Variants in MTUS2 observed in about 807,000 individuals in gnomAD.
The protein encoded by MTUS2 is microtubule associated scaffold protein 2.
In MTUS2, 40 loss-of-function variants were observed where a neutral mutation model predicts 114.1. The ratio of observed to expected loss-of-function variants is 0.35; its 90% CI spans 0.27 to 0.46. The LOEUF is 0.46. Among genes scored for constraint, MTUS2 ranks in the 20% least tolerant of loss-of-function variants. MTUS2 has a pLI of 1.00. For missense variants in MTUS2, 1,679 were observed against 1,705.4 expected (o/e 0.98, Z 0.27); for synonymous variants, 688 against 672.0 (o/e 1.02, Z -0.37).
intron 5 of MTUS2, among the ~76,000 whole-genome samples, chr13:29,280,571 T>A (rs1372434563): frequency 6.6e-6 from 1 of 152,224 alleles, no homozygotes; most frequent in Non-Finnish European, 1.5e-5. Flanking sequence ...AATATTATCA[T>A]TTTTATGCAG....
chr13:29,013,612 G>A (rs1428427927), intron 2 of MTUS2, among the ~76,000 whole-genome samples: 3 of 152,042 alleles, frequency 2.0e-5, no homozygotes, highest in African/African-American at 4.8e-5. Context: ...CTTCACCACC[G>A]GGCAATAACA....
intron 8 of MTUS2, among the ~76,000 whole-genome samples, chr13:29,369,446 C>T (rs1305889721): frequency 2.6e-5 from 4 of 152,206 alleles, no homozygotes; most frequent in Non-Finnish European, 4.4e-5. Context: ...GTGTCAACTA[C>T]AGTCCTGCCT....
intron 6 of MTUS2, among the ~76,000 whole-genome samples, chr13:29,287,550 C>CACA (rs772167879): frequency 5.3e-5 from 8 of 152,126 alleles, no homozygotes; most frequent in Non-Finnish European, 8.8e-5. Context: ...CCTCACTGAA[C>CACA]ACATGTGTGT....
intron 2 of MTUS2, among the ~76,000 whole-genome samples, chr13:28,893,484 T>G (rs1307277650): frequency 1.3e-5 from 2 of 152,186 alleles, no homozygotes; most frequent in Non-Finnish European, 2.9e-5. Context: ...GGTCAACTGA[T>G]GTGATTTGTG....
intron 4 of MTUS2, among the ~76,000 whole-genome samples, chr13:29,063,700 AAAC>A (rs1888526816): frequency 6.6e-6 from 1 of 152,234 alleles, no homozygotes. Flanking sequence ...GGAACAATCT[AAAC>A]AAGCACAGTC....
At chr13:28,991,042 G>A (rs77482502) in intron 2 of MTUS2, among the ~76,000 whole-genome samples, 2,694 of 151,562 alleles carry the variant, frequency 0.018, 83 homozygotes, top group African/African-American at 0.061. Flanking sequence ...AAGAGCAAGA[G>A]GGAACCACTT....
chr13:29,395,581 G>T (rs559442880), intron 8 of MTUS2, among the ~76,000 whole-genome samples: 1 of 152,140 alleles, frequency 6.6e-6, no homozygotes, highest in Non-Finnish European at 1.5e-5. Context: ...TCACAGCCAG[G>T]GTTTGCTGTA....
At chr13:28,850,267 G>T (rs745463034) in intron 2 of MTUS2, among the ~76,000 whole-genome samples, 1 of 152,242 alleles carries the variant, frequency 6.6e-6, no homozygotes, top group Non-Finnish European at 1.5e-5. Context: ...CCTGACATTA[G>T]ACAGATACAT....
intron 7 of MTUS2, among the ~76,000 whole-genome samples, chr13:29,334,068 C>T (rs1900931545): frequency 6.6e-6 from 1 of 152,002 alleles, no homozygotes; most frequent in African/African-American, 2.4e-5. Flanking sequence ...GGTAAATATT[C>T]CTCCATCCCT....
chr13:29,251,058 C>G (rs1366455163), intron 5 of MTUS2, among the ~76,000 whole-genome samples: 1 of 152,042 alleles, frequency 6.6e-6, no homozygotes, highest in Admixed American at 6.5e-5. Context: ...ATTGAGAGTT[C>G]AAAGTGTAGA....
At chr13:29,252,083 A>G (rs1418207441) in intron 5 of MTUS2, among the ~76,000 whole-genome samples, 1 of 152,216 alleles carries the variant, frequency 6.6e-6, no homozygotes, top group Admixed American at 6.5e-5. Context: ...CAAGCTTGGC[A>G]TAGAAATAAA....
chr13:29,230,711 C>T (rs1896289695), intron 5 of MTUS2, among the ~76,000 whole-genome samples: 2 of 152,202 alleles, frequency 1.3e-5, no homozygotes, highest in Admixed American at 1.3e-4. Context: ...GTTAAGGCTT[C>T]AACTTCACAA....
chr13:29,391,695 G>C (rs751852106), intron 8 of MTUS2, among the ~76,000 whole-genome samples: 1 of 150,672 alleles, frequency 6.6e-6, no homozygotes, highest in Non-Finnish European at 1.5e-5. Context: ...GTAAATAAAT[G>C]ATAAAATAAG....
chr13:29,214,302 TC>T (rs1345078235), intron 5 of MTUS2, among the ~76,000 whole-genome samples: 3 of 152,202 alleles, frequency 2.0e-5, no homozygotes, highest in Non-Finnish European at 2.9e-5. Flanking sequence ...GGGTCTTGAC[TC>T]TTTTTCCAAT....
Position 29,001,615 on chromosome 13 carries a change from C to G in MTUS2, c.-242-22842C>G, listed in dbSNP as rs184379907. On this transcript the variant is annotated intron_variant, in intron 2 of 15. Coordinates refer to ENST00000612955, the MANE Select transcript of MTUS2 (RefSeq NM_001033602.4). ...GCTTTGTGCAAGTTAAGCTTGAGAT[C>G]TGTTCAACATCTGTGCTGATGTGGC... 2.6e-5 allele frequency among the ~76,000 whole-genome samples: 4 copies of G among 152,274 alleles called. No homozygotes were observed. The East Asian group carries it at 7.7e-4, about 29-fold the overall frequency.
At chr13:28,858,210 G>A (rs1876756643) in intron 2 of MTUS2, among the ~76,000 whole-genome samples, 1 of 152,140 alleles carries the variant, frequency 6.6e-6, no homozygotes, top group Admixed American at 6.5e-5. Flanking sequence ...TTGAATGAAG[G>A]TATCTAGGAT....
At chr13:28,893,018 G>T (rs1210176241) in intron 2 of MTUS2, among the ~76,000 whole-genome samples, 1 of 152,206 alleles carries the variant, frequency 6.6e-6, no homozygotes, top group African/African-American at 2.4e-5. Context: ...AGAAGCAAAT[G>T]TCTGCAGACA....
intron 5 of MTUS2, among the ~76,000 whole-genome samples, chr13:29,192,942 A>G (rs1296806684): frequency 2.0e-5 from 3 of 152,192 alleles, no homozygotes; most frequent in East Asian, 3.9e-4. Flanking sequence ...ATAAGAGAAT[A>G]ACAGTTGGAT....
At chr13:28,988,429 G>T (rs764577205) in intron 2 of MTUS2, among the ~76,000 whole-genome samples, 22 of 152,318 alleles carry the variant, frequency 1.4e-4, no homozygotes, top group Non-Finnish European at 2.6e-4. Flanking sequence ...AAGCAAAAGA[G>T]TCATACTCAT....
Sources: gnomAD v4.1 joint callset for allele counts (sites outside exome capture counted in the v4.1 genomes callset) on GRCh38, gnomAD v4.1.1 for gene constraint, MANE v1.5 for transcripts, NCBI Gene and HGNC (gene_info 2026-07-23, HGNC 2026-07-21) for gene names.